Variants in CNGB1 observed in about 807,000 individuals in gnomAD.
CNGB1 encodes cyclic nucleotide-gated channel beta-1.
Under a neutral mutation model 151.7 loss-of-function variants are expected in CNGB1, and 126 were observed. The ratio of observed to expected loss-of-function variants is 0.83; its 90% CI spans 0.72 to 0.96. The LOEUF (loss-of-function observed/expected upper bound fraction) is 0.96, where lower values mean the gene tolerates loss of function less well. CNGB1 is among the 40% of genes least tolerant of loss of function. The pLI is 0.00. For missense variants in CNGB1, 1,698 were observed against 1,627.0 expected, an observed-to-expected ratio of 1.04 and a Z score of -0.75; for synonymous variants, 623 against 635.1, an observed-to-expected ratio of 0.98 and a Z score of 0.29.
chr16:57,910,860 A>G (rs75610225), intron 25 of CNGB1, among the ~76,000 whole-genome samples: 22,528 of 152,064 alleles, frequency 0.15, 1,846 homozygotes, highest in Non-Finnish European at 0.17. Flanking sequence ...ACCACCTTGC[A>G]CACATGTCAT....
At chr16:57,964,456 T>C (rs1458288726) in intron 3 of CNGB1, 31 bp downstream of exon 3, 1 of 1,613,442 alleles carries the variant, frequency 6.2e-7, no homozygotes, top group South Asian at 1.1e-5. Context: ...CCCCCTGCCA[T>C]GCCAGCCTGG....
At chr16:57,948,683 A>G (rs761724980) in intron 14 of CNGB1, among the ~76,000 whole-genome samples, 4 of 150,514 alleles carry the variant, frequency 2.7e-5, no homozygotes, top group Non-Finnish European at 5.9e-5. Context: ...CTCCAGCCCC[A>G]CCTCTCCTGC....
chr16:57,886,755 T>G (rs1158577048), intron 32 of CNGB1, among the ~76,000 whole-genome samples: 1 of 152,224 alleles, frequency 6.6e-6, no homozygotes, highest in Non-Finnish European at 1.5e-5. Flanking sequence ...TCATTCCACT[T>G]GGTATTCTTG....
chr16:57,950,292 G>A (rs1482924842), intron 13 of CNGB1, 89 bp downstream of exon 13: 2 of 1,510,780 alleles, frequency 1.3e-6, no homozygotes, highest in African/African-American at 2.7e-5. Context: ...TTCCTGCTCT[G>A]TGCCTTTTCA....
chr16:57,906,719 G>A (rs1960562251), intron 25 of CNGB1, among the ~76,000 whole-genome samples: 1 of 152,310 alleles, frequency 6.6e-6, no homozygotes, highest in East Asian at 1.9e-4. Context: ...TGCTTATGCC[G>A]CTGGGCCACC....
chr16:57,883,992 T>G lies in CNGB1; in HGVS notation c.*172A>C. On this transcript the variant is annotated 3_prime_UTR_variant, in exon 33 of 33. Transcript: ENST00000251102. ...AGGCCCAGCCCCGCGAGGAGCTGAGTCGGGGCTGGCGTGCTGGCGGGACGG... is the reference window on the plus strand; with the variant it reads ...AGGCCCAGCCCCGCGAGGAGCTGAGGCGGGGCTGGCGTGCTGGCGGGACGG... The G allele has an allele frequency of 1.2e-6, 1 of 859,982 alleles. No individual in the cohort carries two copies. Among genetic ancestry groups the G allele is most frequent in the Non-Finnish European group, 1.8e-6 (1 of 541,402 alleles). The allele number at this position is 859,982 out of a possible 1,614,324, so 53.3% of individuals were successfully genotyped here. A position where few individuals can be genotyped will look rare whatever the true frequency, so the allele number is the denominator to read the frequency against.
chr16:57,899,450 G>C (rs2149356462), intron 29 of CNGB1, among the ~76,000 whole-genome samples: 1 of 152,310 alleles, frequency 6.6e-6, no homozygotes. Flanking sequence ...GACCAGCCTA[G>C]CCAACATGGC....
chr16:57,937,097 T>C (rs1961532146), intron 16 of CNGB1: 1 of 152,424 alleles, frequency 6.6e-6, no homozygotes, highest in Non-Finnish European at 1.5e-5. Flanking sequence ...GCTACCTAGT[T>C]GGCGGATGGA....
intron 17 of CNGB1, among the ~76,000 whole-genome samples, chr16:57,928,058 G>C (rs1961241655): frequency 6.6e-6 from 1 of 152,178 alleles, no homozygotes; most frequent in Non-Finnish European, 1.5e-5. Context: ...AATTAACTAA[G>C]AAGAAAGAAC....
chr16:57,893,192 T>C (rs193285483), intron 31 of CNGB1, among the ~76,000 whole-genome samples: 61 of 152,314 alleles, frequency 4.0e-4, no homozygotes, highest in Admixed American at 1.2e-3. Flanking sequence ...AACCCAGATA[T>C]GTGGATTAAA....
intron 17 of CNGB1, among the ~76,000 whole-genome samples, chr16:57,927,228 T>G (rs1468106618): frequency 1.3e-5 from 2 of 152,180 alleles, no homozygotes; most frequent in Middle Eastern, 3.2e-3. Context: ...TGACCTGCCT[T>G]AAGACCCACG....
At chr16:57,920,798 G>A (rs1244647342) in intron 18 of CNGB1, among the ~76,000 whole-genome samples, 1 of 152,200 alleles carries the variant, frequency 6.6e-6, no homozygotes, top group Non-Finnish European at 1.5e-5. Context: ...TGATTCAGAT[G>A]GGCAGTTCTG....
intron 14 of CNGB1, among the ~76,000 whole-genome samples, chr16:57,943,332 C>T (rs544971745): frequency 1.3e-5 from 2 of 151,816 alleles, no homozygotes; most frequent in African/African-American, 2.4e-5. Flanking sequence ...AAATCAAAAC[C>T]GCAATGAAAT....
intron 17 of CNGB1, among the ~76,000 whole-genome samples, chr16:57,930,720 G>C (rs1174882018): frequency 2.0e-5 from 3 of 152,160 alleles, no homozygotes; most frequent in African/African-American, 7.2e-5. Context: ...GAATCTTAAG[G>C]ACATTGTGCC....
At position 57,917,387 on chromosome 16, in the gene CNGB1, G is replaced by C; in HGVS notation, c.2047C>G (p.Gln683Glu). 1 of 1,614,104 alleles carries C rather than the reference G, an allele frequency of 6.2e-7. No homozygotes were observed. Among genetic ancestry groups the C allele is most frequent in the East Asian group, 2.2e-5 (1 of 44,862 alleles). The change falls in exon 21 of 33, where the codon CAG becomes GAG. Residue 683 changes from glutamine (Q) to glutamate (E), a missense_variant. Coordinates refer to ENST00000251102, the MANE Select transcript of CNGB1 (RefSeq NM_001297.5). ...CAGTGGTGGATGTTGTCCGGGGTCT[G>C]GTAGGGGAAGGCCCAGCGCACGGGA... ...LIPVRWAFPY[Q>E]TPDNIHHWLL...
intron 6 of CNGB1, 53 bp from the exon 7 acceptor site, chr16:57,962,663 GC>G: frequency 6.3e-7 from 1 of 1,595,262 alleles, no homozygotes. Flanking sequence ...ACCTGCCCCA[GC>G]CCCCTGGGCA....
intron 1 of CNGB1, 67 bp from the exon 2 acceptor site, chr16:57,967,361 C>T (rs923576227): frequency 4.3e-5 from 64 of 1,488,998 alleles, no homozygotes; most frequent in Non-Finnish European, 5.9e-5. Context: ...TTATGGGCCA[C>T]TCTTATGAGT....
At chr16:57,897,662 C>A in intron 30 of CNGB1, 119 bp from the exon 31 acceptor site, 2 of 1,549,570 alleles carry the variant, frequency 1.3e-6, no homozygotes, top group South Asian at 1.1e-5. Context: ...AACCTTCCCC[C>A]GCCCCCATCC....
At chr16:57,933,512 G>A (rs1961416432) in intron 16 of CNGB1, among the ~76,000 whole-genome samples, 1 of 152,092 alleles carries the variant, frequency 6.6e-6, no homozygotes, top group Non-Finnish European at 1.5e-5. Flanking sequence ...GCAGGGACAG[G>A]TCTGCCCCAA....
Sources: allele counts gnomAD v4.1 joint callset (sites outside exome capture counted in the v4.1 genomes callset), GRCh38; gene constraint gnomAD v4.1.1; transcripts MANE v1.5; gene names NCBI Gene and HGNC (gene_info 2026-07-23, HGNC 2026-07-21).